IL23R: variants seen among roughly 807,000 people sequenced by gnomAD.
The protein encoded by IL23R is interleukin 23 receptor.
Under a neutral mutation model 56.9 loss-of-function variants are expected in IL23R, and 34 were observed. That is an observed-to-expected ratio of 0.60 (90% CI 0.45 to 0.80). IL23R has a LOEUF of 0.80. Among genes scored for constraint, IL23R ranks in the 30% least tolerant of loss-of-function variants. The pLI is 0.00. For missense variants in IL23R, 635 were observed against 730.0 expected, an observed-to-expected ratio of 0.87 and a Z score of 1.50; for synonymous variants, 230 against 249.2, an observed-to-expected ratio of 0.92 and a Z score of 0.73.
chr1:67,220,433 A>AT (rs201519473), intron 7 of IL23R, among the ~76,000 whole-genome samples: 1,934 of 151,988 alleles, frequency 0.013, 35 homozygotes, highest in African/African-American at 0.045. Context: ...GCTACAAGAT[A>AT]TTTTTTTTCT....
At chr1:67,145,622 A>C (rs1316922159) in intron 1 of IL23R, among the ~76,000 whole-genome samples, 2 of 152,210 alleles carry the variant, frequency 1.3e-5, no homozygotes, top group African/African-American at 4.8e-5. Flanking sequence ...TGTTTGGCAT[A>C]CATTAGATAA....
chr1:67,154,343 T>C (rs998677622), intron 1 of IL23R, among the ~76,000 whole-genome samples: 1 of 152,202 alleles, frequency 6.6e-6, no homozygotes, highest in Admixed American at 6.5e-5. Flanking sequence ...ATCTGTCTAA[T>C]AGTGACAGTG....
intron 7 of IL23R, among the ~76,000 whole-genome samples, chr1:67,223,952 T>C (rs921286386): frequency 2.0e-5 from 3 of 151,496 alleles, no homozygotes; most frequent in African/African-American, 7.2e-5. Context: ...AAGATGCTGA[T>C]GTATGTTGTC....
At chr1:67,242,503 GT>G (rs1388652584) in intron 9 of IL23R, among the ~76,000 whole-genome samples, 7 of 152,166 alleles carry the variant, frequency 4.6e-5, no homozygotes, top group Non-Finnish European at 1.0e-4. Flanking sequence ...AGGATAAGCT[GT>G]TCACATTAAG....
At chr1:67,249,983 A>C (rs1397808784) in intron 9 of IL23R, among the ~76,000 whole-genome samples, 1 of 152,214 alleles carries the variant, frequency 6.6e-6, no homozygotes, top group Non-Finnish European at 1.5e-5. Context: ...ATGTCCACAC[A>C]GAATTTCTTT....
At chr1:67,254,514 G>A (rs1355607049) in intron 9 of IL23R, among the ~76,000 whole-genome samples, 2 of 151,980 alleles carry the variant, frequency 1.3e-5, no homozygotes, top group Admixed American at 6.6e-5. Flanking sequence ...AAATACAGAA[G>A]AGAGTGTGAA....
At chr1:67,176,165 T>C (rs553607299) in intron 3 of IL23R, among the ~76,000 whole-genome samples, 200 of 152,280 alleles carry the variant, frequency 1.3e-3, no homozygotes, top group South Asian at 2.1e-3. Flanking sequence ...CCTGATTGTT[T>C]TGGGTTTAAA....
rs34125353 is a variant in IL23R, at chr1:67,233,195, C to CAAAAAAAAAAA, written c.956-3504_956-3494dup. Among the ~76,000 whole-genome samples the CAAAAAAAAAAA allele has an allele frequency of 5.6e-5, 3 of 53,630 alleles. 1 individual carries two copies. The highest frequency in any genetic ancestry group is 9.7e-5 in the Non-Finnish European group (3 of 30,952). 35.2% of individuals were successfully genotyped at this position (53,630 alleles called of 152,430 possible). On this transcript the variant is annotated intron_variant, in intron 7 of 10. Transcript: ENST00000347310. ...GAAATCCTGTCTCTACTAAAAATTC[C>CAAAAAAAAAAA]AAAAAAAAAAAAAAAAAAAAAAAAG...
intron 3 of IL23R, among the ~76,000 whole-genome samples, chr1:67,173,815 C>T (rs1344793667): frequency 1.3e-5 from 2 of 152,010 alleles, no homozygotes; most frequent in African/African-American, 2.4e-5. Flanking sequence ...TACTAGTAAC[C>T]ATAATCCCTC....
intron 6 of IL23R, among the ~76,000 whole-genome samples, chr1:67,214,857 C>T (rs112721442): frequency 1.1e-3 from 164 of 152,238 alleles, no homozygotes; most frequent in Non-Finnish European, 1.9e-3. Flanking sequence ...GCACCAGGCC[C>T]GAAACCAGGA....
chr1:67,183,289 C>T (rs1647183294), intron 4 of IL23R, among the ~76,000 whole-genome samples: 1 of 152,244 alleles, frequency 6.6e-6, no homozygotes. Flanking sequence ...TAATCCCACA[C>T]TTTGGGAGGC....
chr1:67,228,002 CTT>C (rs1222256742), intron 7 of IL23R, among the ~76,000 whole-genome samples: 8 of 106,226 alleles, frequency 7.5e-5, no homozygotes, highest in African/African-American at 3.3e-4. Flanking sequence ...TTCTTTCTTT[CTT>C]TCTTTCTTTC....
At chr1:67,172,148 T>C (rs889272731) in intron 3 of IL23R, among the ~76,000 whole-genome samples, 4 of 152,194 alleles carry the variant, frequency 2.6e-5, no homozygotes, top group Admixed American at 2.6e-4. Flanking sequence ...CTCTACATTC[T>C]TAGCAAACAA....
chr1:67,233,185 C>A, intron 7 of IL23R, among the ~76,000 whole-genome samples: 1 of 77,686 alleles, frequency 1.3e-5, no homozygotes. Context: ...CCTGTCTCTA[C>A]TAAAAATTCC....
intron 4 of IL23R, among the ~76,000 whole-genome samples, chr1:67,187,953 G>A (rs1464529951): frequency 6.6e-6 from 1 of 152,152 alleles, no homozygotes; most frequent in African/African-American, 2.4e-5. Flanking sequence ...TTGGGAGGCT[G>A]AGGCAGGAGA....
intron 10 of IL23R, among the ~76,000 whole-genome samples, chr1:67,257,965 G>A (rs539795900): frequency 6.6e-6 from 1 of 152,122 alleles, no homozygotes; most frequent in East Asian, 1.9e-4. Context: ...TGGCCTCAAA[G>A]TGCTGGGATT....
At chr1:67,263,614 C>G (rs2100406303), downstream of IL23R, among the ~76,000 whole-genome samples, 1 of 152,190 alleles carries the variant, frequency 6.6e-6, no homozygotes, top group East Asian at 1.9e-4. Context: ...TCTCTTTCTC[C>G]AAATGCAATC....
chr1:67,249,952 A>G (rs1435658549), intron 9 of IL23R, among the ~76,000 whole-genome samples: 2 of 152,204 alleles, frequency 1.3e-5, no homozygotes, highest in African/African-American at 4.8e-5. Context: ...AAACTTAGCA[A>G]TACCCCTTTA....
At chr1:67,197,010 A>G (rs1648205142) in intron 4 of IL23R, among the ~76,000 whole-genome samples, 1 of 152,250 alleles carries the variant, frequency 6.6e-6, no homozygotes, top group Non-Finnish European at 1.5e-5. Flanking sequence ...TATGCGTGAG[A>G]CACACATGTG....
Sources: gnomAD v4.1 joint callset for allele counts (sites outside exome capture counted in the v4.1 genomes callset) on GRCh38, gnomAD v4.1.1 for gene constraint, MANE v1.5 for transcripts, NCBI Gene and HGNC (gene_info 2026-07-23, HGNC 2026-07-21) for gene names.